Variants in TBC1D5 observed in about 807,000 individuals in gnomAD.
TBC1D5 encodes TBC1 domain family, member 5.
TBC1D5 carries 75 observed loss-of-function variants against 100.3 expected under a neutral mutation model. The ratio of observed to expected loss-of-function variants is 0.75; its 90% CI spans 0.62 to 0.91. The LOEUF (loss-of-function observed/expected upper bound fraction) is 0.91, where lower values mean the gene tolerates loss of function less well. TBC1D5 is among the 40% of genes least tolerant of loss of function. TBC1D5 has a pLI of 0.00. For synonymous variants in TBC1D5, 323 were observed against 325.6 expected (o/e 0.99, Z 0.09); for missense variants, 910 against 942.4 (o/e 0.97, Z 0.45).
At chr3:17,656,919 G>C (rs553811602) in intron 1 of TBC1D5, among the ~76,000 whole-genome samples, 1 of 152,042 alleles carries the variant, frequency 6.6e-6, no homozygotes, top group Non-Finnish European at 1.5e-5. Context: ...ATTTGTCAAG[G>C]AGCGACAGGA....
chr3:17,627,229 AG>A (rs1388246646), intron 1 of TBC1D5, among the ~76,000 whole-genome samples: 3 of 152,150 alleles, frequency 2.0e-5, no homozygotes, highest in Non-Finnish European at 4.4e-5. Context: ...GGATAACAGG[AG>A]GGAACAAAGA....
intron 3 of TBC1D5, among the ~76,000 whole-genome samples, chr3:17,464,062 C>T (rs913683342): frequency 6.6e-6 from 1 of 151,086 alleles, no homozygotes; most frequent in Admixed American, 6.6e-5. Flanking sequence ...AGTGATTCTC[C>T]TGCCTCAGCC....
intron 19 of TBC1D5, among the ~76,000 whole-genome samples, chr3:17,171,774 A>G (rs149403411): frequency 1.4e-3 from 210 of 152,266 alleles, no homozygotes; most frequent in African/African-American, 4.9e-3. Context: ...ATAAGTTTGG[A>G]TGAGACAATA....
chr3:17,742,136 A>G (rs1227546972), upstream of TBC1D5, among the ~76,000 whole-genome samples: 2 of 152,306 alleles, frequency 1.3e-5, no homozygotes, highest in East Asian at 1.9e-4. Flanking sequence ...GAAAGCAGGC[A>G]GACTGCAAGC....
At chr3:17,555,555 T>C (rs1289020457) in intron 2 of TBC1D5, among the ~76,000 whole-genome samples, 1 of 152,156 alleles carries the variant, frequency 6.6e-6, no homozygotes, top group East Asian at 1.9e-4. Context: ...GGTATTGGAC[T>C]CCCAGCTAAT....
intron 13 of TBC1D5, among the ~76,000 whole-genome samples, chr3:17,339,160 C>CT (rs1465420455): frequency 3.5e-4 from 53 of 152,140 alleles, no homozygotes; most frequent in African/African-American, 1.2e-3. Context: ...CAAGCAATGC[C>CT]TATGCTGTTT....
intron 1 of TBC1D5, among the ~76,000 whole-genome samples, chr3:17,701,469 G>A (rs941388796): frequency 1.3e-5 from 2 of 151,986 alleles, no homozygotes; most frequent in East Asian, 1.9e-4. Context: ...AGAACTTAAA[G>A]TATAATAATA....
rs143124163 is a variant in TBC1D5, at chr3:17,547,592, A to C, written c.-35-38987T>G. On this transcript the variant is annotated intron_variant, in intron 2 of 21. Coordinates refer to ENST00000253692, the Ensembl canonical transcript of TBC1D5. ...TGATTTCCTAGCCTAGAGTGTATAG[A>C]TGATAGTTAAGTACTATACATGGTG... Among the ~76,000 whole-genome samples, 135 of 152,318 alleles carry C rather than the reference A, an allele frequency of 8.9e-4. 3 individuals carry two copies. The East Asian group carries it at 0.025, about 29-fold the overall frequency.
chr3:17,216,008 G>T (rs2126024067), intron 17 of TBC1D5, among the ~76,000 whole-genome samples: 1 of 152,216 alleles, frequency 6.6e-6, no homozygotes. Flanking sequence ...GCAGAACCTA[G>T]GGGTAAGGAG....
At chr3:17,509,689 C>T (rs73153075) in intron 2 of TBC1D5, among the ~76,000 whole-genome samples, 10,496 of 151,962 alleles carry the variant, frequency 0.069, 712 homozygotes, top group African/African-American at 0.18. Flanking sequence ...ATATGATACA[C>T]ATATTTTTCT....
At chr3:17,487,742 A>G (rs2150460387) in intron 3 of TBC1D5, among the ~76,000 whole-genome samples, 1 of 152,318 alleles carries the variant, frequency 6.6e-6, no homozygotes, top group Admixed American at 6.5e-5. Context: ...GAATAAAGGG[A>G]AAAGTTATGG....
intron 2 of TBC1D5, among the ~76,000 whole-genome samples, chr3:17,532,422 G>A (rs1445188657): frequency 6.6e-6 from 1 of 152,200 alleles, no homozygotes; most frequent in Non-Finnish European, 1.5e-5. Context: ...GTGGAAGTCA[G>A]TGTGGCGATT....
At chr3:17,543,659 C>T (rs1407476954) in intron 2 of TBC1D5, among the ~76,000 whole-genome samples, 1 of 151,700 alleles carries the variant, frequency 6.6e-6, no homozygotes, top group Non-Finnish European at 1.5e-5. Context: ...CAAAACAAAA[C>T]AGAAAAGAAA....
intron 19 of TBC1D5, among the ~76,000 whole-genome samples, chr3:17,178,110 G>C (rs1264477967): frequency 1.5e-5 from 2 of 137,836 alleles, no homozygotes; most frequent in African/African-American, 2.8e-5. Context: ...CTGTCGCCCA[G>C]GCTGGAGTGC....
chr3:17,422,548 G>A (rs2094237217), intron 4 of TBC1D5, among the ~76,000 whole-genome samples: 1 of 152,012 alleles, frequency 6.6e-6, no homozygotes, highest in Non-Finnish European at 1.5e-5. Context: ...CACTTTAAGA[G>A]TGTGACTAGA....
chr3:17,239,434 C>T (rs1390299562), intron 16 of TBC1D5, among the ~76,000 whole-genome samples: 1 of 152,176 alleles, frequency 6.6e-6, no homozygotes, highest in Non-Finnish European at 1.5e-5. Flanking sequence ...AAATTCTCTA[C>T]TGAACTCTTG....
intron 15 of TBC1D5, among the ~76,000 whole-genome samples, chr3:17,279,975 C>T (rs1001449180): frequency 2.0e-5 from 3 of 152,106 alleles, no homozygotes; most frequent in Non-Finnish European, 2.9e-5. Flanking sequence ...CAATGAACAT[C>T]GACTTCTCCT....
intron 3 of TBC1D5, among the ~76,000 whole-genome samples, chr3:17,463,943 CTTTTTTT>C (rs1025162858): frequency 5.5e-4 from 48 of 87,510 alleles, no homozygotes; most frequent in Non-Finnish European, 7.8e-4. Flanking sequence ...TTCCTTATTC[CTTTTTTT>C]TTTTTTTTTT....
intron 13 of TBC1D5, among the ~76,000 whole-genome samples, chr3:17,358,846 G>A (rs892646232): frequency 6.6e-6 from 1 of 151,776 alleles, no homozygotes; most frequent in Non-Finnish European, 1.5e-5. Flanking sequence ...AAGAACCTTT[G>A]GAGATGGTAC....
Sources: gnomAD v4.1 joint callset for allele counts (sites outside exome capture counted in the v4.1 genomes callset) on GRCh38, gnomAD v4.1.1 for gene constraint, MANE v1.5 for transcripts, NCBI Gene and HGNC (gene_info 2026-07-23, HGNC 2026-07-21) for gene names.